MAGI2: variants seen among roughly 807,000 people sequenced by gnomAD.
MAGI2 encodes membrane associated guanylate kinase, WW and PDZ domain containing 2.
Under a neutral mutation model 133.3 loss-of-function variants are expected in MAGI2, and 35 were observed. The ratio of observed to expected loss-of-function variants is 0.26; its 90% CI spans 0.20 to 0.35. MAGI2 has a LOEUF of 0.35. Among genes scored for constraint, MAGI2 ranks in the 10% least tolerant of loss-of-function variants. The pLI is 1.00. For missense variants in MAGI2, 1,636 were observed against 1,863.4 expected (o/e 0.88, Z 2.25); for synonymous variants, 729 against 710.6 (o/e 1.03, Z -0.41).
intron 9 of MAGI2, among the ~76,000 whole-genome samples, chr7:78,270,603 C>G (rs186483734): frequency 1.3e-5 from 2 of 152,194 alleles, no homozygotes; most frequent in African/African-American, 4.8e-5. Context: ...GATTTTTGCA[C>G]ATTGATTTTG....
chr7:78,867,445 A>G (rs986961207), intron 2 of MAGI2, among the ~76,000 whole-genome samples: 12 of 151,666 alleles, frequency 7.9e-5, no homozygotes, highest in African/African-American at 2.4e-4. Context: ...CAAGAACAAA[A>G]AAACCAAACA....
chr7:79,271,277 C>T (rs911796981), intron 1 of MAGI2, among the ~76,000 whole-genome samples: 1 of 152,104 alleles, frequency 6.6e-6, no homozygotes. Context: ...TCAACTTCAT[C>T]TCCCCTCATG....
chr7:78,153,800 A>T (rs1023089426), intron 16 of MAGI2, among the ~76,000 whole-genome samples: 8 of 152,220 alleles, frequency 5.3e-5, no homozygotes, highest in Non-Finnish European at 7.3e-5. Context: ...CTGGAAGAGG[A>T]TGTAAAGACC....
At chr7:78,337,281 T>C (rs918858400) in intron 9 of MAGI2, among the ~76,000 whole-genome samples, 5 of 152,196 alleles carry the variant, frequency 3.3e-5, no homozygotes, top group Non-Finnish European at 7.3e-5. Flanking sequence ...AGAAACCTTC[T>C]GGAACATCAT....
At chr7:78,146,433 G>C (rs932882854) in intron 16 of MAGI2, among the ~76,000 whole-genome samples, 2 of 151,770 alleles carry the variant, frequency 1.3e-5, no homozygotes, top group Non-Finnish European at 2.9e-5. Context: ...TCAATATTTT[G>C]GTGCCCCAGT....
intron 6 of MAGI2, among the ~76,000 whole-genome samples, chr7:78,372,823 A>G (rs1219294323): frequency 6.6e-6 from 1 of 152,238 alleles, no homozygotes; most frequent in East Asian, 1.9e-4. Context: ...CTTCCCAAAT[A>G]TTATTTCATT....
intron 6 of MAGI2, among the ~76,000 whole-genome samples, chr7:78,467,948 C>T (rs1448922020): frequency 2.0e-5 from 3 of 151,978 alleles, no homozygotes; most frequent in Admixed American, 2.0e-4. Context: ...ATATGAGAAA[C>T]CAATAAATCT....
chr7:78,534,250 G>A (rs1797700720), intron 3 of MAGI2, among the ~76,000 whole-genome samples: 1 of 152,072 alleles, frequency 6.6e-6, no homozygotes, highest in Admixed American at 6.5e-5. Flanking sequence ...TTCAAGTTAG[G>A]CTTTTTAAGA....
At chr7:78,086,898 A>C (rs993389614) in intron 20 of MAGI2, among the ~76,000 whole-genome samples, 1 of 152,132 alleles carries the variant, frequency 6.6e-6, no homozygotes, top group Non-Finnish European at 1.5e-5. Context: ...AGCCTCCCAA[A>C]GTGCTACGAT....
At chr7:78,637,761 G>A (rs1361321962) in intron 2 of MAGI2, among the ~76,000 whole-genome samples, 1 of 152,138 alleles carries the variant, frequency 6.6e-6, no homozygotes, top group African/African-American at 2.4e-5. Flanking sequence ...AGTCCCTGGT[G>A]TAAACACTAG....
intron 2 of MAGI2, among the ~76,000 whole-genome samples, chr7:78,791,022 C>T (rs1827202400): frequency 6.6e-6 from 1 of 152,096 alleles, no homozygotes; most frequent in Non-Finnish European, 1.5e-5. Flanking sequence ...GAAATAAACT[C>T]AGAAAAACAC....
chr7:78,749,380 G>A (rs903450554), intron 2 of MAGI2, among the ~76,000 whole-genome samples: 2 of 152,112 alleles, frequency 1.3e-5, no homozygotes, highest in South Asian at 2.1e-4. Context: ...TTATGTTTTC[G>A]GGAGGAAGCA....
intron 1 of MAGI2, among the ~76,000 whole-genome samples, chr7:79,364,184 C>G (rs1585713455): frequency 6.6e-6 from 1 of 151,958 alleles, no homozygotes; most frequent in Non-Finnish European, 1.5e-5. Flanking sequence ...ACAGAGGTTG[C>G]TTTTCTCAAA....
intron 1 of MAGI2, among the ~76,000 whole-genome samples, chr7:79,152,066 A>G (rs1483844385): frequency 3.9e-5 from 6 of 152,176 alleles, no homozygotes; most frequent in Admixed American, 2.6e-4. Context: ...CCTTTCTTCT[A>G]TGTAAATAAT....
chr7:78,209,287 A>G (rs1279471583), intron 10 of MAGI2, among the ~76,000 whole-genome samples: 2 of 112,404 alleles, frequency 1.8e-5, no homozygotes, highest in Non-Finnish European at 3.5e-5. Flanking sequence ...TTTGAGACGG[A>G]GTCTCGCTCT....
At chr7:79,167,787 C>CA (rs1387000513) in intron 1 of MAGI2, among the ~76,000 whole-genome samples, 1 of 152,050 alleles carries the variant, frequency 6.6e-6, no homozygotes, top group East Asian at 1.9e-4. Flanking sequence ...ACAGTCCCCC[C>CA]AAAATCTGGC....
chr7:79,266,306 G>A (rs1260709379), intron 1 of MAGI2, among the ~76,000 whole-genome samples: 2 of 137,426 alleles, frequency 1.5e-5, no homozygotes, highest in Non-Finnish European at 3.0e-5. Context: ...ATATACTAAC[G>A]GGTGTGACTT....
chr7:79,284,575 T>G (rs1444346016), intron 1 of MAGI2, among the ~76,000 whole-genome samples: 2 of 152,248 alleles, frequency 1.3e-5, no homozygotes, highest in East Asian at 3.9e-4. Flanking sequence ...AATGAGAGCA[T>G]TAAATCATAA....
chr7:78,972,236 T>C (rs1368595186), intron 2 of MAGI2, among the ~76,000 whole-genome samples: 3 of 151,888 alleles, frequency 2.0e-5, no homozygotes, highest in Non-Finnish European at 4.4e-5. Flanking sequence ...TCCTATAACC[T>C]GCTAAAATAT....
Sources: gnomAD v4.1 joint callset for allele counts (sites outside exome capture counted in the v4.1 genomes callset) on GRCh38, gnomAD v4.1.1 for gene constraint, MANE v1.5 for transcripts, NCBI Gene and HGNC (gene_info 2026-07-23, HGNC 2026-07-21) for gene names.